The following TMEM117 variants were observed in gnomAD, a reference collection of about 807,000 sequenced individuals.
TMEM117 encodes transmembrane protein 117.
In TMEM117, 27 loss-of-function variants were observed where a neutral mutation model predicts 52.4. That is an observed-to-expected ratio of 0.51 (90% confidence interval 0.38 to 0.71). TMEM117 has a LOEUF of 0.71. TMEM117 is among the 30% of genes least tolerant of loss of function. The pLI is 0.00. For synonymous variants in TMEM117, 215 were observed against 206.3 expected, an observed-to-expected ratio of 1.04 and a Z score of -0.36; for missense variants, 556 against 630.5, an observed-to-expected ratio of 0.88 and a Z score of 1.26.
the TMEM117 span, among the ~76,000 whole-genome samples, chr12:43,821,261 T>C: frequency 2.0e-5 from 3 of 152,214 alleles, no homozygotes; most frequent in East Asian, 1.9e-4. Context: ...AGAAATCTTC[T>C]GCCTTAGCAA....
intron 2 of TMEM117, among the ~76,000 whole-genome samples, chr12:43,853,756 T>C (rs570507212): frequency 2.0e-5 from 3 of 152,172 alleles, no homozygotes; most frequent in African/African-American, 7.2e-5. Flanking sequence ...AAATGAATAG[T>C]ATGGACTGTG....
chr12:43,937,378 A>T (rs1221515979), intron 2 of TMEM117, among the ~76,000 whole-genome samples: 1 of 152,226 alleles, frequency 6.6e-6, no homozygotes, highest in Non-Finnish European at 1.5e-5. Context: ...ACTCTGGATC[A>T]TGATTGTGTA....
At chr12:43,988,404 AT>A (rs1489386726) in intron 3 of TMEM117, among the ~76,000 whole-genome samples, 9 of 152,264 alleles carry the variant, frequency 5.9e-5, no homozygotes, top group African/African-American at 2.2e-4. Flanking sequence ...CACATTTTTC[AT>A]ATTTTAATGA....
intron 3 of TMEM117, among the ~76,000 whole-genome samples, chr12:43,974,149 CT>C (rs1312426009): frequency 6.6e-6 from 1 of 152,090 alleles, no homozygotes; most frequent in Admixed American, 6.6e-5. Flanking sequence ...AGTTTCCTGC[CT>C]TTGTCAGGTT....
chr12:44,152,355 TA>T (rs1224677341), intron 4 of TMEM117, among the ~76,000 whole-genome samples: 1 of 111,764 alleles, frequency 8.9e-6, no homozygotes, highest in Non-Finnish European at 1.6e-5. Context: ...TTTATATATT[TA>T]TATGTATTAT....
intron 4 of TMEM117, among the ~76,000 whole-genome samples, chr12:44,203,800 G>T (rs548121271): frequency 6.6e-5 from 10 of 152,212 alleles, no homozygotes; most frequent in Non-Finnish European, 1.2e-4. Context: ...GTATAATGTT[G>T]TGGTTTGAGA....
chr12:44,037,097 C>T (rs973056967), intron 3 of TMEM117, among the ~76,000 whole-genome samples: 31 of 152,176 alleles, frequency 2.0e-4, no homozygotes, highest in Middle Eastern at 6.8e-3. Context: ...GTGGAAGCCC[C>T]GCTCCCTTCC....
At chr12:44,316,183 T>C (rs115028035) in intron 6 of TMEM117, among the ~76,000 whole-genome samples, 43 of 152,342 alleles carry the variant, frequency 2.8e-4, no homozygotes, top group African/African-American at 1.0e-3. Context: ...TAGACTTACA[T>C]GTATTTTTGT....
intron 6 of TMEM117, among the ~76,000 whole-genome samples, chr12:44,309,041 G>A (rs1373240057): frequency 6.6e-6 from 1 of 152,142 alleles, no homozygotes; most frequent in Admixed American, 6.5e-5. Context: ...GTAGGCAATG[G>A]AATCATGGAA....
intron 5 of TMEM117, among the ~76,000 whole-genome samples, chr12:44,242,463 A>T (rs1950074850): frequency 6.6e-6 from 1 of 151,880 alleles, no homozygotes; most frequent in African/African-American, 2.4e-5. Context: ...TGCAAAGGAC[A>T]TGATCTCATT....
At chr12:43,960,234 A>G (rs892335624) in intron 3 of TMEM117, among the ~76,000 whole-genome samples, 1 of 151,776 alleles carries the variant, frequency 6.6e-6, no homozygotes, top group African/African-American at 2.4e-5. Context: ...GTGGCAAGAA[A>G]GGCTGGAAAT....
At chr12:44,256,409 T>C (rs1466722104) in intron 5 of TMEM117, among the ~76,000 whole-genome samples, 2 of 152,110 alleles carry the variant, frequency 1.3e-5, no homozygotes, top group East Asian at 3.9e-4. Flanking sequence ...AAGGAAGAAA[T>C]ATGCAATCAC....
At chr12:44,103,653 G>A (rs1480547406) in intron 3 of TMEM117, among the ~76,000 whole-genome samples, 2 of 151,870 alleles carry the variant, frequency 1.3e-5, no homozygotes, top group East Asian at 1.9e-4. Context: ...CCTCAAGGAT[G>A]CAGTCCTGAA....
chr12:43,966,737 A>C lies in TMEM117; in HGVS notation c.410+22395A>C, dbSNP rs200466676. ...TTTAAGAATGAGTTACTAGGCAAAGAATAAAGTCATAGAAATCCATATTCA... is the reference window on the plus strand; with the variant it reads ...TTTAAGAATGAGTTACTAGGCAAAGCATAAAGTCATAGAAATCCATATTCA... On this transcript the variant is annotated intron_variant, in intron 3 of 7. Coordinates refer to ENST00000266534, the MANE Select transcript of TMEM117 (RefSeq NM_032256.3). Among the ~76,000 whole-genome samples, 21 of 152,360 alleles carry C rather than the reference A, an allele frequency of 1.4e-4. No individual in the cohort carries two copies. In the East Asian group the frequency reaches 3.9e-3, roughly 28 times the overall value.
intron 3 of TMEM117, among the ~76,000 whole-genome samples, chr12:44,108,365 C>G (rs1406067576): frequency 9.1e-6 from 1 of 109,710 alleles, no homozygotes; most frequent in Non-Finnish European, 1.8e-5. Context: ...CTCCCCCGAC[C>G]CCACCACAGT....
At chr12:44,179,746 A>G (rs1005473351) in intron 4 of TMEM117, among the ~76,000 whole-genome samples, 1 of 152,228 alleles carries the variant, frequency 6.6e-6, no homozygotes, top group Admixed American at 6.5e-5. Context: ...CCCTCAATCC[A>G]GTCAAGTTGA....
At chr12:44,161,781 C>T (rs1948901808) in intron 4 of TMEM117, among the ~76,000 whole-genome samples, 2 of 151,976 alleles carry the variant, frequency 1.3e-5, no homozygotes, top group Non-Finnish European at 2.9e-5. Flanking sequence ...ATTCCCTATT[C>T]TTGGTTTATG....
intron 3 of TMEM117, among the ~76,000 whole-genome samples, chr12:44,090,691 C>A (rs1335096117): frequency 6.6e-6 from 1 of 152,010 alleles, no homozygotes; most frequent in Non-Finnish European, 1.5e-5. Context: ...CCACTCGCCT[C>A]AGCCTCCCAA....
At chr12:43,951,112 C>T (rs1266215113) in intron 3 of TMEM117, among the ~76,000 whole-genome samples, 1 of 152,164 alleles carries the variant, frequency 6.6e-6, no homozygotes, top group Admixed American at 6.5e-5. Context: ...GTGCTACCCA[C>T]CAGGGTTACT....
Sources: gnomAD v4.1 joint callset for allele counts (sites outside exome capture counted in the v4.1 genomes callset) on GRCh38, gnomAD v4.1.1 for gene constraint, MANE v1.5 for transcripts, NCBI Gene and HGNC (gene_info 2026-07-23, HGNC 2026-07-21) for gene names.